The following ARHGEF12 variants were observed in gnomAD, a reference collection of about 807,000 sequenced individuals.
ARHGEF12 encodes Rho guanine nucleotide exchange factor 12.
In ARHGEF12, 66 loss-of-function variants were observed where a neutral mutation model predicts 211.2. The observed-to-expected ratio is 0.31, with a 90% CI of 0.26 to 0.38. The LOEUF (loss-of-function observed/expected upper bound fraction) is 0.38, where lower values mean the gene tolerates loss of function less well. Among genes scored for constraint, ARHGEF12 ranks in the 10% least tolerant of loss-of-function variants. ARHGEF12 has a pLI of 1.00. For synonymous variants in ARHGEF12, 592 were observed against 638.4 expected, an observed-to-expected ratio of 0.93 and a Z score of 1.09; for missense variants, 1,429 against 1,869.5, an observed-to-expected ratio of 0.76 and a Z score of 4.34.
chr11:120,459,128 G>A, intron 25 of ARHGEF12, 46 bp from the exon 26 acceptor site: 1 of 1,488,918 alleles, frequency 6.7e-7, no homozygotes, highest in Non-Finnish European at 9.0e-7. Context: ...TGATCCCATG[G>A]AATTGTTCTA....
intron 7 of ARHGEF12, among the ~76,000 whole-genome samples, chr11:120,425,097 C>A (rs151250163): frequency 4.4e-4 from 67 of 152,214 alleles, no homozygotes; most frequent in African/African-American, 1.6e-3. Flanking sequence ...GATTCACGAA[C>A]CTCGAGCTGG....
At chr11:120,420,289 G>A (rs1165868265) in intron 4 of ARHGEF12, among the ~76,000 whole-genome samples, 7 of 152,090 alleles carry the variant, frequency 4.6e-5, no homozygotes, top group Non-Finnish European at 1.0e-4. Flanking sequence ...TTTCTTGAGA[G>A]TGAGACTGGA....
intron 1 of ARHGEF12, among the ~76,000 whole-genome samples, chr11:120,367,144 G>A (rs115016575): frequency 6.6e-6 from 1 of 152,076 alleles, no homozygotes; most frequent in Non-Finnish European, 1.5e-5. Flanking sequence ...TACTCAAGTA[G>A]GGATCACATA....
intron 4 of ARHGEF12, among the ~76,000 whole-genome samples, chr11:120,412,063 G>A (rs973667532): frequency 1.3e-5 from 2 of 152,152 alleles, no homozygotes; most frequent in Non-Finnish European, 2.9e-5. Context: ...AGTGCGGTCA[G>A]TTGGTTATTT....
At chr11:120,403,226 G>A (rs567351394) in intron 1 of ARHGEF12, among the ~76,000 whole-genome samples, 264 of 152,304 alleles carry the variant, frequency 1.7e-3, no homozygotes, top group Admixed American at 2.2e-3. Context: ...GTAAAGGCAG[G>A]CCAGGCGCGG....
chr11:120,409,740 G>T, intron 4 of ARHGEF12: 1 of 266,826 alleles, frequency 3.7e-6, no homozygotes. Flanking sequence ...TAATATGTTT[G>T]GGTCAGGTTC....
chr11:120,435,343 T>C (rs544047605), intron 11 of ARHGEF12, among the ~76,000 whole-genome samples: 3 of 152,264 alleles, frequency 2.0e-5, no homozygotes, highest in African/African-American at 7.2e-5. Context: ...TCTACAAGTC[T>C]TGATCACATT....
At chr11:120,341,633 ATTGAAGGGACTCTT>A (rs1942540498) in intron 1 of ARHGEF12, among the ~76,000 whole-genome samples, 1 of 152,218 alleles carries the variant, frequency 6.6e-6, no homozygotes, top group Non-Finnish European at 1.5e-5. Context: ...CCCAGAGGTA[ATTGAAGGGACTCTT>A]TTGCATCATG....
intron 30 of ARHGEF12, among the ~76,000 whole-genome samples, chr11:120,469,834 A>G (rs1946815988): frequency 6.6e-6 from 1 of 152,200 alleles, no homozygotes; most frequent in Non-Finnish European, 1.5e-5. Flanking sequence ...TATGGGGCCT[A>G]GCTTAGTTTG....
intron 22 of ARHGEF12, among the ~76,000 whole-genome samples, chr11:120,452,624 T>C (rs1001078668): frequency 2.0e-5 from 3 of 152,178 alleles, no homozygotes; most frequent in Admixed American, 6.5e-5. Context: ...GGTTTAGCAT[T>C]GCTAGATGAT....
chr11:120,414,831 G>C (rs954138426), intron 4 of ARHGEF12, among the ~76,000 whole-genome samples: 26 of 152,152 alleles, frequency 1.7e-4, no homozygotes, highest in Admixed American at 1.1e-3. Flanking sequence ...GCCTCAACCA[G>C]TCCTCTTGCC....
chr11:120,357,148 G>A (rs1393637982), intron 1 of ARHGEF12, among the ~76,000 whole-genome samples: 2 of 151,694 alleles, frequency 1.3e-5, no homozygotes, highest in East Asian at 1.9e-4. Flanking sequence ...ATGTGCCACC[G>A]TGCCCTTCTA....
At chr11:120,371,482 C>T (rs145551908) in intron 1 of ARHGEF12, among the ~76,000 whole-genome samples, 6 of 152,140 alleles carry the variant, frequency 3.9e-5, no homozygotes, top group East Asian at 1.9e-4. Context: ...AGCGAACCTC[C>T]GTCTCAAAAA....
chr11:120,415,430 A>G (rs1372787316), intron 4 of ARHGEF12, among the ~76,000 whole-genome samples: 1 of 152,218 alleles, frequency 6.6e-6, no homozygotes, highest in Non-Finnish European at 1.5e-5. Context: ...TAGTATGGAC[A>G]GATGCTCAAT....
intron 1 of ARHGEF12, chr11:120,337,958 A>G: frequency 1.0e-6 from 1 of 953,320 alleles, no homozygotes; most frequent in Non-Finnish European, 1.2e-6. Context: ...AGCCGTAAGC[A>G]TAGTGTAAGC....
In ARHGEF12 at chr11:120,484,582, A is replaced by G. The variant is rs1010275004; in HGVS notation, c.4624+75A>G. 3.1e-6 allele frequency: 4 copies of G among 1,284,414 alleles called. No homozygotes were observed. The African/African-American group carries it at 4.4e-5, about 14-fold the overall frequency. The allele number at this position is 1,284,414 out of a possible 1,614,324, so 79.6% of individuals were successfully genotyped here. ...AATGAAATGACTTATCATACTTTGA[A>G]GTGAAAACCTTCTGAGATTCCATTT... On this transcript the variant is annotated intron_variant, in intron 40 of 40. Transcript: ENST00000397843.
chr11:120,384,978 C>T (rs780897266), intron 1 of ARHGEF12, among the ~76,000 whole-genome samples: 5 of 151,280 alleles, frequency 3.3e-5, no homozygotes, highest in Admixed American at 6.6e-5. Flanking sequence ...TTGAGGGACT[C>T]CATTTTTTGG....
At chr11:120,428,513 G>A (rs1945422822) in intron 8 of ARHGEF12, among the ~76,000 whole-genome samples, 1 of 152,156 alleles carries the variant, frequency 6.6e-6, no homozygotes, top group African/African-American at 2.4e-5. Context: ...CAAGATTATA[G>A]TCATCTTAGA....
intron 15 of ARHGEF12, among the ~76,000 whole-genome samples, chr11:120,442,825 A>G (rs1446304182): frequency 1.3e-5 from 2 of 151,886 alleles, no homozygotes; most frequent in African/African-American, 4.8e-5. Flanking sequence ...CCCTTAGACG[A>G]CTGCCTCATG....
Sources: allele counts gnomAD v4.1 joint callset (sites outside exome capture counted in the v4.1 genomes callset), GRCh38; gene constraint gnomAD v4.1.1; transcripts MANE v1.5; gene names NCBI Gene and HGNC (gene_info 2026-07-23, HGNC 2026-07-21).